Variants in TUSC3 observed in about 807,000 individuals in gnomAD.
TUSC3 encodes tumor suppressor candidate 3.
TUSC3 carries 45 observed loss-of-function variants against 44.8 expected under a neutral mutation model. The ratio of observed to expected loss-of-function variants is 1.00; its 90% confidence interval spans 0.79 to 1.29. TUSC3 has a LOEUF of 1.29. Ranked by LOEUF, TUSC3 falls within the 50% of genes most tolerant of loss-of-function variation. The pLI, the probability that TUSC3 is intolerant of heterozygous loss-of-function variation, is 0.00. For synonymous variants in TUSC3, 212 were observed against 152.9 expected (o/e 1.39, Z -2.85); for missense variants, 519 against 437.9 (o/e 1.19, Z -1.65).
intron 2 of TUSC3, among the ~76,000 whole-genome samples, chr8:15,511,813 G>A (rs893794680): frequency 2.6e-5 from 4 of 152,010 alleles, no homozygotes; most frequent in African/African-American, 9.7e-5. Flanking sequence ...GAACATTGCA[G>A]TGAGCCAAGA....
At chr8:15,440,566 T>A (rs1235494710) in intron 1 of TUSC3, among the ~76,000 whole-genome samples, 2 of 152,226 alleles carry the variant, frequency 1.3e-5, no homozygotes, top group Non-Finnish European at 2.9e-5. Flanking sequence ...GTTAGAAGTC[T>A]GTTAAAGAAA....
the TUSC3 span, among the ~76,000 whole-genome samples, chr8:15,775,651 C>CATATAT: frequency 1.4e-5 from 2 of 144,864 alleles, no homozygotes; most frequent in African/African-American, 5.1e-5. Context: ...TATATATATA[C>CATATAT]ACACACATAT....
At chr8:15,818,634 A>G in the TUSC3 span, among the ~76,000 whole-genome samples, 2 of 152,244 alleles carry the variant, frequency 1.3e-5, no homozygotes, top group Non-Finnish European at 2.9e-5. Flanking sequence ...GTTTTTAAGC[A>G]TAATGGTATA....
intron 6 of TUSC3, among the ~76,000 whole-genome samples, chr8:15,714,194 A>G (rs115803141): frequency 2.4e-4 from 36 of 152,320 alleles, no homozygotes; most frequent in African/African-American, 8.4e-4. Flanking sequence ...TGTTATTGGA[A>G]TATGAGGATA....
At chr8:15,717,606 A>C (rs1030865950) in intron 6 of TUSC3, among the ~76,000 whole-genome samples, 7 of 152,082 alleles carry the variant, frequency 4.6e-5, no homozygotes, top group African/African-American at 1.7e-4. Flanking sequence ...ATCTACATTA[A>C]AATATTCTGT....
At chr8:15,464,442 G>A (rs1330292037) in intron 1 of TUSC3, among the ~76,000 whole-genome samples, 1 of 152,132 alleles carries the variant, frequency 6.6e-6, no homozygotes, top group Non-Finnish European at 1.5e-5. Flanking sequence ...GCAATGTTGT[G>A]AATCTAGGCA....
intron 1 of TUSC3, among the ~76,000 whole-genome samples, chr8:15,581,436 C>T (rs1368188797): frequency 1.3e-5 from 2 of 149,242 alleles, no homozygotes; most frequent in South Asian, 4.2e-4. Flanking sequence ...GTTTTTTCCC[C>T]ATCTTTGTGG....
At chr8:15,743,131 G>A (rs1811264499) in intron 7 of TUSC3, among the ~76,000 whole-genome samples, 1 of 152,270 alleles carries the variant, frequency 6.6e-6, no homozygotes, top group African/African-American at 2.4e-5. Flanking sequence ...ATGAAAAAAT[G>A]CTTTTAGAAG....
the TUSC3 span, among the ~76,000 whole-genome samples, chr8:15,778,956 T>G: frequency 1.3e-5 from 2 of 152,134 alleles, no homozygotes; most frequent in African/African-American, 4.8e-5. Context: ...AAAAGGCTAT[T>G]TAATTCACAA....
chr8:15,783,551 G>C, the TUSC3 span, among the ~76,000 whole-genome samples: 788 of 151,840 alleles, frequency 5.2e-3, 4 homozygotes, highest in African/African-American at 0.018. Flanking sequence ...ATAGGATACA[G>C]ACTCTAGAAA....
chr8:15,818,420 A>C, the TUSC3 span, among the ~76,000 whole-genome samples: 1 of 152,266 alleles, frequency 6.6e-6, no homozygotes, highest in East Asian at 1.9e-4. Flanking sequence ...ACGCCTTCAA[A>C]TGTACTCTAT....
At chr8:15,551,100 T>A (rs1052324631) in intron 1 of TUSC3, among the ~76,000 whole-genome samples, 7 of 151,750 alleles carry the variant, frequency 4.6e-5, no homozygotes, top group Non-Finnish European at 1.0e-4. Flanking sequence ...AAATGTAAAA[T>A]GAGAGGGTTG....
At chr8:15,759,683 T>A (rs191270303) in intron 10 of TUSC3, among the ~76,000 whole-genome samples, 1 of 152,186 alleles carries the variant, frequency 6.6e-6, no homozygotes, top group Admixed American at 6.5e-5. Flanking sequence ...TACCCTGGAT[T>A]TTGTAACATG....
chr8:15,536,779 G>T (rs143119126), upstream of TUSC3, among the ~76,000 whole-genome samples: 57 of 149,174 alleles, frequency 3.8e-4, 1 homozygote, highest in East Asian at 0.011. Context: ...TGGGAGGTTG[G>T]TGAGATTTTA....
At chr8:15,573,068 A>T (rs116579885) in intron 1 of TUSC3, among the ~76,000 whole-genome samples, 2,537 of 151,844 alleles carry the variant, frequency 0.017, 53 homozygotes, top group African/African-American at 0.052. Flanking sequence ...TCAACCTTCA[A>T]TTTGTAAAAA....
chr8:15,615,779 A>G (rs1193899540), intron 1 of TUSC3, among the ~76,000 whole-genome samples: 1 of 152,192 alleles, frequency 6.6e-6, no homozygotes, highest in Non-Finnish European at 1.5e-5. Context: ...AAAAGAAAAT[A>G]CAGGACGTTT....
chr8:15,590,195 A>C (rs1242203694), intron 1 of TUSC3, among the ~76,000 whole-genome samples: 1 of 152,220 alleles, frequency 6.6e-6, no homozygotes, highest in African/African-American at 2.4e-5. Context: ...TGCTTTACAC[A>C]GGAGTTTCTG....
intron 1 of TUSC3, among the ~76,000 whole-genome samples, chr8:15,555,844 C>G (rs1053430166): frequency 6.6e-6 from 1 of 151,326 alleles, no homozygotes; most frequent in Non-Finnish European, 1.5e-5. Flanking sequence ...CGGACTCTTT[C>G]AGCTGTGGGT....
chr8:15,759,693 G>C (rs1161382874), intron 10 of TUSC3, among the ~76,000 whole-genome samples: 2 of 151,952 alleles, frequency 1.3e-5, no homozygotes, highest in Non-Finnish European at 2.9e-5. Flanking sequence ...TTTGTAACAT[G>C]GCATTCTTAC....
Sources: allele counts gnomAD v4.1 joint callset (sites outside exome capture counted in the v4.1 genomes callset), GRCh38; gene constraint gnomAD v4.1.1; transcripts MANE v1.5; gene names NCBI Gene and HGNC (gene_info 2026-07-23, HGNC 2026-07-21).